Variants in PPP1R9A observed in about 807,000 individuals in gnomAD.
PPP1R9A encodes protein phosphatase 1 regulatory subunit 9A.
PPP1R9A carries 59 observed loss-of-function variants against 141.9 expected under a neutral mutation model. The ratio of observed to expected loss-of-function variants is 0.42; its 90% CI spans 0.34 to 0.52. The LOEUF (loss-of-function observed/expected upper bound fraction) is 0.52. Ranked by LOEUF, PPP1R9A falls within the 20% of genes least tolerant of loss-of-function variation. The pLI, the probability that PPP1R9A is intolerant of heterozygous loss-of-function variation, is 0.10. For synonymous variants in PPP1R9A, 500 were observed against 569.7 expected (o/e 0.88, Z 1.74); for missense variants, 1,444 against 1,611.9 (o/e 0.90, Z 1.78).
rs200186151 is a variant in PPP1R9A, at chr7:94,910,941, A to G, written c.828A>G (p.Ala276=). The G allele has an allele frequency of 2.1e-4, 331 of 1,614,150 alleles. 1 individual carries two copies. Among genetic ancestry groups the G allele is most frequent in the Non-Finnish European group, 2.3e-4 (276 of 1,180,014 alleles). The change falls in exon 2 of 20, where the codon GCA becomes GCG. Residue 276 remains alanine, a synonymous_variant. Transcript: ENST00000433360. The surrounding 1 kb of genome is among the most constrained non-coding windows in gnomAD (Gnocchi z 4.5). ...CAGAGGATGCTCACAAGAGTAATGCAACTCCAGTACCAGAAGTGGCTTCTA... is the reference window on the plus strand; with the variant it reads ...CAGAGGATGCTCACAAGAGTAATGCGACTCCAGTACCAGAAGTGGCTTCTA... The part of the protein sequence containing the change: ...VDTEDAHKSN[A]TPVPEVASKS...
chr7:94,921,313 T>G (rs796644007), intron 2 of PPP1R9A, among the ~76,000 whole-genome samples: 1 of 151,724 alleles, frequency 6.6e-6, no homozygotes, highest in Non-Finnish European at 1.5e-5. Flanking sequence ...TGGGCGTGGT[T>G]GCGGGCGCCT....
chr7:95,106,262 G>A (rs1244134987), intron 2 of PPP1R9A, among the ~76,000 whole-genome samples: 1 of 152,066 alleles, frequency 6.6e-6, no homozygotes, highest in Non-Finnish European at 1.5e-5. Flanking sequence ...CTCTTATGGG[G>A]ATAGGCATTA....
At position 95,198,499 on chromosome 7, in the gene PPP1R9A, C is replaced by T; in HGVS notation, c.1890+15C>T. On this transcript the variant is annotated intron_variant, in intron 6 of 19. Transcript: ENST00000433360. ...ACGATGACGAGGTCAGTAGTGCTTG[C>T]AAAGATTCTTTTTCCCACATTTTCT... 3 of 1,527,410 alleles carry T rather than the reference C, an allele frequency of 2.0e-6. No individual in the cohort carries two copies. The highest frequency in any genetic ancestry group is 2.6e-6 in the Non-Finnish European group (3 of 1,136,722). 94.6% of individuals were successfully genotyped at this position (1,527,410 alleles called of 1,614,324 possible). A position where few individuals can be genotyped will look rare whatever the true frequency, so the allele number is the denominator to read the frequency against.
intron 8 of PPP1R9A, among the ~76,000 whole-genome samples, chr7:95,242,907 C>G (rs768751049): frequency 1.2e-4 from 19 of 152,152 alleles, no homozygotes; most frequent in Non-Finnish European, 2.4e-4. Context: ...TGTTAACCTT[C>G]TATCCCTGCA....
intron 2 of PPP1R9A, among the ~76,000 whole-genome samples, chr7:94,925,347 T>C (rs1367311021): frequency 6.6e-6 from 1 of 152,208 alleles, no homozygotes; most frequent in East Asian, 1.9e-4. Context: ...TCTAGAATAA[T>C]GTTTGATTAG....
intron 7 of PPP1R9A, among the ~76,000 whole-genome samples, chr7:95,219,885 G>A (rs1794150845): frequency 6.6e-6 from 1 of 151,868 alleles, no homozygotes; most frequent in Non-Finnish European, 1.5e-5. Flanking sequence ...AACCCCAAAT[G>A]CTTTTTTTGT....
chr7:94,955,624 T>C (rs1797001276), intron 2 of PPP1R9A, among the ~76,000 whole-genome samples: 1 of 152,128 alleles, frequency 6.6e-6, no homozygotes, highest in South Asian at 2.1e-4. Context: ...TCTCAATGCA[T>C]TCTCACTTGT....
At chr7:95,127,619 G>C (rs746582803) in intron 4 of PPP1R9A, among the ~76,000 whole-genome samples, 6 of 151,506 alleles carry the variant, frequency 4.0e-5, no homozygotes, top group Non-Finnish European at 8.8e-5. Flanking sequence ...CATCACCCAG[G>C]TACTGATCAT....
At chr7:94,952,027 A>G (rs1001901109) in intron 2 of PPP1R9A, among the ~76,000 whole-genome samples, 2 of 137,920 alleles carry the variant, frequency 1.5e-5, no homozygotes, top group African/African-American at 2.5e-5. Context: ...TTACATAGGT[A>G]TACATGTGCC....
At chr7:95,201,785 C>A (rs1440456214) in intron 6 of PPP1R9A, among the ~76,000 whole-genome samples, 1 of 152,058 alleles carries the variant, frequency 6.6e-6, no homozygotes, top group Non-Finnish European at 1.5e-5. Flanking sequence ...TTTATAGAAT[C>A]ATCTTGTGAT....
chr7:94,945,063 T>C (rs1173773795), intron 2 of PPP1R9A, among the ~76,000 whole-genome samples: 1 of 152,052 alleles, frequency 6.6e-6, no homozygotes. Context: ...GATACGTACC[T>C]TTTAGCTTTC....
chr7:95,236,083 C>T (rs1382669577), intron 8 of PPP1R9A, among the ~76,000 whole-genome samples: 3 of 152,108 alleles, frequency 2.0e-5, no homozygotes, highest in African/African-American at 4.8e-5. Flanking sequence ...CAGAAATCAC[C>T]ACTAAAGAAT....
chr7:95,088,101 AG>A (rs1384545258), intron 2 of PPP1R9A, among the ~76,000 whole-genome samples: 5 of 151,952 alleles, frequency 3.3e-5, no homozygotes, highest in Admixed American at 2.0e-4. Flanking sequence ...AAGCTCTTGG[AG>A]GGTTTAAAAA....
intron 4 of PPP1R9A, among the ~76,000 whole-genome samples, chr7:95,154,236 A>G (rs1829208165): frequency 6.6e-6 from 1 of 151,854 alleles, no homozygotes; most frequent in Non-Finnish European, 1.5e-5. Flanking sequence ...TTGTTTCAAT[A>G]AATTTTTATA....
At chr7:95,225,922 G>A in intron 7 of PPP1R9A, 39 bp from the exon 8 acceptor site, 1 of 1,564,992 alleles carries the variant, frequency 6.4e-7, no homozygotes. Context: ...TCCACCTGGG[G>A]TAAGGACAGC....
chr7:94,998,602 A>G (rs1046551474), intron 2 of PPP1R9A, among the ~76,000 whole-genome samples: 7 of 152,170 alleles, frequency 4.6e-5, no homozygotes, highest in Admixed American at 2.0e-4. Flanking sequence ...TTGAGTCCAC[A>G]TGGGCTCTGT....
chr7:94,956,015 G>A (rs1358427530), intron 2 of PPP1R9A, among the ~76,000 whole-genome samples: 1 of 152,162 alleles, frequency 6.6e-6, no homozygotes, highest in African/African-American at 2.4e-5. Flanking sequence ...ACCTGTGACA[G>A]TGTTGCTCAC....
chr7:95,040,246 A>T (rs560028805), intron 2 of PPP1R9A, among the ~76,000 whole-genome samples: 8 of 152,086 alleles, frequency 5.3e-5, no homozygotes, highest in Non-Finnish European at 8.8e-5. Flanking sequence ...ACTAAAATCT[A>T]GTAGAAGAAA....
intron 2 of PPP1R9A, among the ~76,000 whole-genome samples, chr7:95,007,537 A>G (rs975657371): frequency 6.6e-6 from 1 of 152,196 alleles, no homozygotes; most frequent in African/African-American, 2.4e-5. Context: ...GTTATTATGT[A>G]TAAGAACCCA....
Sources: allele counts gnomAD v4.1 joint callset (sites outside exome capture counted in the v4.1 genomes callset), GRCh38; gene constraint gnomAD v4.1.1; non-coding constraint Gnocchi (gnomAD v3.1); transcripts MANE v1.5; gene names NCBI Gene and HGNC (gene_info 2026-07-23, HGNC 2026-07-21).